Variants in VPS13D observed in about 807,000 individuals in gnomAD.
VPS13D encodes intermembrane lipid transfer protein VPS13D.
In VPS13D, 187 loss-of-function variants were observed where a neutral mutation model predicts 461.9. The observed-to-expected ratio is 0.40, with a 90% confidence interval of 0.36 to 0.46. VPS13D has a LOEUF of 0.46. Ranked by LOEUF, VPS13D falls within the 20% of genes least tolerant of loss-of-function variation. VPS13D has a pLI of 0.60. For synonymous variants in VPS13D, 1,951 were observed against 1,986.3 expected, an observed-to-expected ratio of 0.98 and a Z score of 0.47; for missense variants, 4,711 against 5,364.9, an observed-to-expected ratio of 0.88 and a Z score of 3.81.
At position 12,276,930 on chromosome 1, in the gene VPS13D, C is replaced by A; in HGVS notation, c.3342C>A (p.Leu1114=). The change falls in exon 19 of 70, where the codon CTC becomes CTA. Residue 1114 remains leucine, a synonymous_variant. Coordinates refer to ENST00000620676, the MANE Select transcript of VPS13D (RefSeq NM_015378.4). This position sits in a 1 kb window ranked among gnomAD's most constrained non-coding sequence, Gnocchi z 4.5. The part of the protein sequence containing the change: ...SLQVNNLDII[L]NPETIVELIG... ...AGGTGAATAATTTAGATATTATCCT[C>A]AATCCAGAGACGATTGTGGAGCTAA... The A allele has an allele frequency of 6.2e-7, 1 of 1,614,172 alleles. No individual in the cohort carries two copies. Among genetic ancestry groups the A allele is most frequent in the Non-Finnish European group, 8.5e-7 (1 of 1,180,032 alleles).
chr1:12,436,234 G>A (rs1645059062), intron 65 of VPS13D, among the ~76,000 whole-genome samples: 1 of 152,196 alleles, frequency 6.6e-6, no homozygotes, highest in Non-Finnish European at 1.5e-5. Context: ...TTCCTGTAGG[G>A]GGATCTCAGG....
intron 66 of VPS13D, among the ~76,000 whole-genome samples, chr1:12,459,948 ATTTTTTTTTTTT>A (rs779399019): frequency 8.2e-6 from 1 of 122,132 alleles, no homozygotes; most frequent in African/African-American, 3.1e-5. Flanking sequence ...CTTTTCTCTG[ATTTTTTTTTTTT>A]TTTTTTTTTG....
rs534888661 is a variant in VPS13D at position 12,377,489 on chromosome 1, T to C, written c.10918-939T>C. The stretch of plus-strand genomic sequence containing the variant: ...ATGATTGACCTGGAAGCCCAACTGC[T>C]GTTTCCAAAATATTTCTAAAGAGAA... On this transcript the variant is annotated intron_variant, in intron 55 of 69. Transcript: ENST00000620676. Among the ~76,000 whole-genome samples, 7 of 152,292 alleles carry C rather than the reference T, an allele frequency of 4.6e-5. No individual in the cohort carries two copies. In the East Asian group the frequency reaches 1.4e-3, roughly 29 times the overall value.
rs1022654465 is a variant in VPS13D at position 12,404,056 on chromosome 1, TGTG to T, written c.12030+84_12030+86del. On this transcript the variant is annotated intron_variant, in intron 63 of 69. Coordinates refer to ENST00000620676, the MANE Select transcript of VPS13D (RefSeq NM_015378.4). ...GTGTTTACTATTTGTTGTTTGTTGT[TGTG>T]TGTGTGTGTGCTTTTTTTTTTGTCC... 1.7e-5 allele frequency: 20 copies of T among 1,186,868 alleles called. No homozygotes were observed. In the African/African-American group the frequency reaches 3.2e-4, roughly 19 times the overall value. 73.5% of individuals were successfully genotyped at this position (1,186,868 alleles called of 1,614,324 possible).
intron 3 of VPS13D, among the ~76,000 whole-genome samples, chr1:12,244,037 G>A (rs1640468087): frequency 6.6e-6 from 1 of 152,116 alleles, no homozygotes; most frequent in Admixed American, 6.5e-5. Context: ...ACTTTTTCCA[G>A]CTTATATAAG....
chr1:12,484,796 C>T (rs957130116), intron 67 of VPS13D, among the ~76,000 whole-genome samples: 3 of 151,966 alleles, frequency 2.0e-5, no homozygotes, highest in Admixed American at 1.3e-4. Context: ...GGAGTGTCCT[C>T]GGAGGGTTAC....
intron 47 of VPS13D, among the ~76,000 whole-genome samples, chr1:12,355,678 T>C (rs974708468): frequency 3.3e-5 from 5 of 152,172 alleles, no homozygotes; most frequent in South Asian, 2.1e-4. Flanking sequence ...ATCTAACCCA[T>C]ATGATTATGC....
chr1:12,400,859 A>T (rs1644565375), intron 61 of VPS13D, among the ~76,000 whole-genome samples: 1 of 151,834 alleles, frequency 6.6e-6, no homozygotes. Flanking sequence ...TAGCAGGCTG[A>T]GGTGGGAGGT....
intron 37 of VPS13D, among the ~76,000 whole-genome samples, chr1:12,332,381 T>C (rs1643353830): frequency 6.6e-6 from 1 of 152,234 alleles, no homozygotes; most frequent in Non-Finnish European, 1.5e-5. Context: ...GAAAACAATG[T>C]ACCACGGTGA....
chr1:12,243,997 G>A (rs1300904034), intron 3 of VPS13D, among the ~76,000 whole-genome samples: 1 of 152,170 alleles, frequency 6.6e-6, no homozygotes, highest in East Asian at 1.9e-4. Context: ...GAGGAGGGAT[G>A]TTACTGTTGA....
rs1443339958 is a variant in VPS13D, at chr1:12,354,077, T to C, written c.9535T>C (p.Tyr3179His). Reference sequence around the variant, plus strand: ...TTTCAGACAGCCTGGGCATACCATATATCTCCTGCCAACTGTGGTAATCTG... The same window carrying C: ...TTTCAGACAGCCTGGGCATACCATACATCTCCTGCCAACTGTGGTAATCTG... The part of the protein sequence containing the change: ...QIFRQPGHTI[Y>H]LLPTVVICNL... Residue 3179 changes from tyrosine (Y) to histidine (H), a missense_variant, in exon 47 of 70, where the codon TAT becomes CAT. Around this residue, in one of 3 missense-constraint regions of VPS13D, gnomAD observed 4,411 missense variants for 4,937.8 expected, o/e 0.89. Coordinates refer to ENST00000620676, the MANE Select transcript of VPS13D (RefSeq NM_015378.4). 1 of 1,614,096 alleles carries C rather than the reference T, an allele frequency of 6.2e-7. No individual in the cohort carries two copies. The highest frequency in any genetic ancestry group is 8.5e-7 in the Non-Finnish European group (1 of 1,180,046).
chr1:12,447,333 A>T (rs12068870), intron 65 of VPS13D, among the ~76,000 whole-genome samples: 14,183 of 152,194 alleles, frequency 0.093, 1,058 homozygotes, highest in African/African-American at 0.2. Context: ...GGAAATGCTC[A>T]TGGTCTTTCC....
intron 63 of VPS13D, among the ~76,000 whole-genome samples, chr1:12,411,128 GA>G (rs1644721739): frequency 6.6e-6 from 1 of 152,036 alleles, no homozygotes; most frequent in Non-Finnish European, 1.5e-5. Context: ...TGATCTTTTT[GA>G]AAAAGAAGTA....
intron 37 of VPS13D, 110 bp downstream of exon 37, chr1:12,330,028 G>GA: frequency 8.2e-6 from 3 of 366,396 alleles, no homozygotes; most frequent in South Asian, 2.1e-5. Context: ...GGTGGGGTGG[G>GA]ACGGGGAAAG....
intron 2 of VPS13D, among the ~76,000 whole-genome samples, chr1:12,241,833 G>C (rs953350745): frequency 1.3e-5 from 2 of 152,060 alleles, no homozygotes; most frequent in African/African-American, 2.4e-5. Context: ...ACTCATTTTG[G>C]GGAGGGGTTG....
intron 22 of VPS13D, 80 bp from the exon 23 acceptor site, chr1:12,290,918 C>T (rs1310428151): frequency 7.2e-7 from 1 of 1,389,524 alleles, no homozygotes; most frequent in Non-Finnish European, 9.5e-7. Context: ...CATGTGTATA[C>T]CAGCTTTTGT....
intron 5 of VPS13D, among the ~76,000 whole-genome samples, chr1:12,245,420 TTAAG>T (rs1369859114): frequency 6.6e-6 from 1 of 152,232 alleles, no homozygotes; most frequent in Non-Finnish European, 1.5e-5. Flanking sequence ...TTATCTTAGT[TTAAG>T]TAGTTTTATT....
intron 40 of VPS13D, among the ~76,000 whole-genome samples, chr1:12,339,726 T>G (rs1643527096): frequency 6.6e-6 from 1 of 152,222 alleles, no homozygotes; most frequent in Admixed American, 6.5e-5. Context: ...ATGCTGTGTA[T>G]TTTTATCCTC....
chr1:12,236,527 T>G (rs374704725), intron 2 of VPS13D, among the ~76,000 whole-genome samples: 3 of 152,060 alleles, frequency 2.0e-5, no homozygotes, highest in East Asian at 3.9e-4. Flanking sequence ...ACCACAGGCA[T>G]GCACCACCAC....
Sources: gnomAD v4.1 joint callset for allele counts (sites outside exome capture counted in the v4.1 genomes callset) on GRCh38, gnomAD v4.1.1 for gene constraint, gnomAD v4.1.1 regional missense constraint, Gnocchi (gnomAD v3.1) non-coding constraint, MANE v1.5 for transcripts, NCBI Gene and HGNC (gene_info 2026-07-23, HGNC 2026-07-21) for gene names.